UST: variants seen among roughly 807,000 people sequenced by gnomAD.
UST encodes chondroitin sulfate 2-O-sulfotransferase.
A neutral mutation model predicts 45.6 loss-of-function variants in UST; 21 were observed. The observed-to-expected ratio is 0.46, with a 90% CI of 0.33 to 0.66. The LOEUF is 0.66. Among genes scored for constraint, UST ranks in the 30% least tolerant of loss-of-function variants. UST has a pLI of 0.02. For synonymous variants in UST, 215 were observed against 200.6 expected (o/e 1.07, Z -0.61); for missense variants, 463 against 512.4 (o/e 0.90, Z 0.93).
At chr6:149,011,769 G>C (rs1379180561) in intron 5 of UST, among the ~76,000 whole-genome samples, 3 of 152,208 alleles carry the variant, frequency 2.0e-5, no homozygotes, top group Non-Finnish European at 4.4e-5. Context: ...CCGAGATCGT[G>C]CCACTGCACT....
intron 7 of UST, among the ~76,000 whole-genome samples, chr6:149,069,898 G>A (rs772822258): frequency 2.2e-4 from 34 of 152,208 alleles, no homozygotes; most frequent in Non-Finnish European, 4.3e-4. Context: ...TAGTTTTGTA[G>A]TCAAGGTATT....
chr6:148,883,797 C>A (rs1008602248), intron 1 of UST, among the ~76,000 whole-genome samples: 5 of 152,158 alleles, frequency 3.3e-5, no homozygotes, highest in South Asian at 2.1e-4. Flanking sequence ...TAAAATAGGT[C>A]TTTTCCCCCA....
intron 2 of UST, among the ~76,000 whole-genome samples, chr6:148,896,602 T>C (rs1779136263): frequency 6.6e-6 from 1 of 152,240 alleles, no homozygotes. Context: ...AAGGCTGAAA[T>C]GATGAAACCT....
chr6:149,010,913 A>AAAAAAACAAAAAAC (rs1554234080), intron 5 of UST, among the ~76,000 whole-genome samples: 2 of 92,968 alleles, frequency 2.2e-5, no homozygotes, highest in African/African-American at 4.4e-5. Flanking sequence ...AAAAAAAAAA[A>AAAAAAACAAAAAAC]AAAAAACTGT....
At chr6:148,877,768 A>G (rs1445529144) in intron 1 of UST, among the ~76,000 whole-genome samples, 12 of 83,804 alleles carry the variant, frequency 1.4e-4, no homozygotes, top group African/African-American at 4.9e-4. Flanking sequence ...GTGAGGGGTC[A>G]TGAATGAGTG....
At chr6:148,972,919 G>A (rs927634721) in intron 5 of UST, among the ~76,000 whole-genome samples, 2 of 151,876 alleles carry the variant, frequency 1.3e-5, no homozygotes, top group African/African-American at 4.8e-5. Flanking sequence ...TGAGGCCAAT[G>A]TGTAGCTGAG....
At chr6:148,928,455 A>G (rs1397199440) in intron 2 of UST, among the ~76,000 whole-genome samples, 1 of 152,242 alleles carries the variant, frequency 6.6e-6, no homozygotes, top group African/African-American at 2.4e-5. Context: ...TTATAAAAAT[A>G]TTTTTTGAAT....
chr6:148,768,903 G>T (rs1776368782), intron 1 of UST, among the ~76,000 whole-genome samples: 1 of 152,190 alleles, frequency 6.6e-6, no homozygotes. Flanking sequence ...ATGATTCTCA[G>T]CACAGGTCCA....
intron 1 of UST, among the ~76,000 whole-genome samples, chr6:148,798,350 G>A (rs1193440759): frequency 6.6e-6 from 1 of 152,208 alleles, no homozygotes; most frequent in East Asian, 1.9e-4. Context: ...ATGAAGAGGA[G>A]TGGGCTTAGT....
At chr6:149,042,279 G>A (rs1776325322) in intron 7 of UST, among the ~76,000 whole-genome samples, 2 of 152,108 alleles carry the variant, frequency 1.3e-5, no homozygotes, top group South Asian at 2.1e-4. Flanking sequence ...TTTTTTTGTA[G>A]GAAGTATGTT....
chr6:148,798,448 G>T (rs1018118534), intron 1 of UST, among the ~76,000 whole-genome samples: 13 of 152,182 alleles, frequency 8.5e-5, no homozygotes, highest in Non-Finnish European at 1.9e-4. Flanking sequence ...CAGAGGAAAT[G>T]ATACAGATCA....
At chr6:149,033,538 A>G (rs1174162763) in intron 7 of UST, among the ~76,000 whole-genome samples, 2 of 152,188 alleles carry the variant, frequency 1.3e-5, no homozygotes, top group African/African-American at 4.8e-5. Context: ...GGGGATTTTT[A>G]TGTGTGGTTT....
chr6:149,060,847 C>T (rs541722187), intron 7 of UST, among the ~76,000 whole-genome samples: 1 of 152,326 alleles, frequency 6.6e-6, no homozygotes, highest in African/African-American at 2.4e-5. Flanking sequence ...CTCAGCTCCC[C>T]TGAAGCTGTA....
chr6:148,893,881 G>C (rs1779068773), intron 2 of UST, among the ~76,000 whole-genome samples: 1 of 152,152 alleles, frequency 6.6e-6, no homozygotes, highest in South Asian at 2.1e-4. Context: ...GGACAGGCAT[G>C]GTGGCTTATG....
At chr6:148,750,365 C>T (rs1775966786) in intron 1 of UST, among the ~76,000 whole-genome samples, 1 of 152,164 alleles carries the variant, frequency 6.6e-6, no homozygotes, top group African/African-American at 2.4e-5. Context: ...CAGTAGCATT[C>T]ATAGTAAAAG....
chr6:149,014,893 A>C (rs1411425563), intron 5 of UST, among the ~76,000 whole-genome samples: 2 of 152,150 alleles, frequency 1.3e-5, no homozygotes, highest in Non-Finnish European at 2.9e-5. Flanking sequence ...TCCCTGTTGC[A>C]CTGTCAATAG....
chr6:148,770,499 C>T (rs957502854), intron 1 of UST, among the ~76,000 whole-genome samples: 4 of 151,816 alleles, frequency 2.6e-5, no homozygotes, highest in East Asian at 3.9e-4. Flanking sequence ...GGAACTTGTA[C>T]GTTACACTAA....
At chr6:148,993,166 G>A (rs1385509979) in intron 5 of UST, 3 of 659,658 alleles carry the variant, frequency 4.5e-6, no homozygotes, top group Non-Finnish European at 5.6e-6. Flanking sequence ...TCTAAACAAG[G>A]CCAGGGCAAG....
At chr6:148,845,914 T>C (rs1777978595) in intron 1 of UST, among the ~76,000 whole-genome samples, 1 of 150,466 alleles carries the variant, frequency 6.6e-6, no homozygotes, top group Non-Finnish European at 1.5e-5. Context: ...CTCACACCAG[T>C]TAGAATGGCA....
Sources: allele counts gnomAD v4.1 joint callset (sites outside exome capture counted in the v4.1 genomes callset), GRCh38; gene constraint gnomAD v4.1.1; transcripts MANE v1.5; gene names NCBI Gene and HGNC (gene_info 2026-07-23, HGNC 2026-07-21).